ANKRD33B: variants seen among roughly 807,000 people sequenced by gnomAD.
ANKRD33B encodes the protein ankyrin repeat domain 33B.
In ANKRD33B, 6 loss-of-function variants were observed where a neutral mutation model predicts 21.5. That is an observed-to-expected ratio of 0.28 (90% CI 0.15 to 0.55). The LOEUF (loss-of-function observed/expected upper bound fraction) is 0.55. Among genes scored for constraint, ANKRD33B ranks in the 20% least tolerant of loss-of-function variants. ANKRD33B has a pLI of 0.94. For missense variants in ANKRD33B, 698 were observed against 747.2 expected (o/e 0.93, Z 0.77); for synonymous variants, 347 against 342.4 (o/e 1.01, Z -0.15).
At chr5:10,636,237 G>A (rs1243861870) in intron 2 of ANKRD33B, among the ~76,000 whole-genome samples, 1 of 152,214 alleles carries the variant, frequency 6.6e-6, no homozygotes, top group Non-Finnish European at 1.5e-5. Flanking sequence ...CTGCAGCTGC[G>A]ACAGTGGGGG....
At chr5:10,617,344 C>T (rs1291835027) in intron 1 of ANKRD33B, among the ~76,000 whole-genome samples, 6 of 152,198 alleles carry the variant, frequency 3.9e-5, no homozygotes, top group South Asian at 2.1e-4. Context: ...TCTGTCCCCA[C>T]GCCCGCTCTG....
In ANKRD33B at chr5:10,650,002, G is replaced by A. The variant is rs1453909944; in HGVS notation, c.1374G>A (p.Trp458Ter). ...GCGGCCACCTGCAGATCCCCAAGTG[G>A]CGGTACAAGGAGGCCAAGGAGGAGA... ...KDSGHLQIPK[W>*]RYKEAKEEKR... The change falls in exon 4 of 4, where the codon TGG (tryptophan) becomes TGA (stop). Residue 458 changes from tryptophan (W) to a stop codon, truncating the protein, a stop_gained. Coordinates refer to ENST00000296657, the MANE Select transcript of ANKRD33B (RefSeq NM_001164440.2). LOFTEE classifies it high-confidence loss of function. 6.5e-7 allele frequency: 1 copy of A among 1,533,476 alleles called. No individual in the cohort carries two copies. The highest frequency in any genetic ancestry group is 8.7e-7 in the Non-Finnish European group (1 of 1,144,874). 95.0% of individuals were successfully genotyped at this position (1,533,476 alleles called of 1,614,324 possible). A position where few individuals can be genotyped will look rare whatever the true frequency, so the allele number is the denominator to read the frequency against.
chr5:10,636,215 T>C (rs908467372), intron 2 of ANKRD33B, among the ~76,000 whole-genome samples: 22 of 152,144 alleles, frequency 1.4e-4, no homozygotes, highest in African/African-American at 5.3e-4. Context: ...CATAGAAATG[T>C]CCACGAGGCC....
chr5:10,573,413 A>G (rs1440745140), intron 1 of ANKRD33B, among the ~76,000 whole-genome samples: 1 of 149,252 alleles, frequency 6.7e-6, no homozygotes, highest in Non-Finnish European at 1.5e-5. Flanking sequence ...GGTTGCAGTG[A>G]GCTGAGATCA....
chr5:10,605,720 G>A (rs1736032917), intron 1 of ANKRD33B, among the ~76,000 whole-genome samples: 3 of 152,008 alleles, frequency 2.0e-5, no homozygotes. Context: ...GTAGAGACAG[G>A]GTTTCACCAT....
intron 1 of ANKRD33B, among the ~76,000 whole-genome samples, chr5:10,578,320 C>T (rs928237806): frequency 2.6e-5 from 4 of 152,166 alleles, no homozygotes; most frequent in Admixed American, 2.6e-4. Context: ...CAGAGTGCTG[C>T]CTAAGAGAAG....
chr5:10,581,684 C>G (rs1033346486), intron 1 of ANKRD33B, among the ~76,000 whole-genome samples: 1 of 152,216 alleles, frequency 6.6e-6, no homozygotes, highest in East Asian at 1.9e-4. Flanking sequence ...TGGTTAACAT[C>G]TACAATTAGT....
At chr5:10,594,965 G>A (rs888073118) in intron 1 of ANKRD33B, among the ~76,000 whole-genome samples, 7 of 152,186 alleles carry the variant, frequency 4.6e-5, no homozygotes, top group Non-Finnish European at 8.8e-5. Context: ...TTCACTCCCC[G>A]GGTGATTGGT....
At position 10,609,312 on chromosome 5, in the gene ANKRD33B, G is replaced by C. The variant is rs759897801; in HGVS notation, c.367-9021G>C. Among the ~76,000 whole-genome samples the C allele has an allele frequency of 3.6e-4, 55 of 152,152 alleles. 1 individual carries two copies. The highest frequency in any genetic ancestry group is 2.4e-5 in the African/African-American group (1 of 41,424). ...TCATGCCTGTAATCTCAGCACTTTG[G>C]GAGGCAGAGGTGCGCAGATCACTTG... On this transcript the variant is annotated intron_variant, in intron 1 of 3. Coordinates refer to ENST00000296657, the MANE Select transcript of ANKRD33B (RefSeq NM_001164440.2).
intron 2 of ANKRD33B, among the ~76,000 whole-genome samples, chr5:10,620,019 A>G (rs1736384208): frequency 6.6e-6 from 1 of 152,144 alleles, no homozygotes; most frequent in African/African-American, 2.4e-5. Context: ...GTAGGTGGGC[A>G]TGGCTGTAGG....
intron 1 of ANKRD33B, among the ~76,000 whole-genome samples, chr5:10,615,434 T>C (rs1736263714): frequency 6.6e-6 from 1 of 152,240 alleles, no homozygotes; most frequent in Admixed American, 6.5e-5. Context: ...AAACAGATCA[T>C]CTGAGTATCC....
At chr5:10,606,717 A>C (rs1358103631) in intron 1 of ANKRD33B, among the ~76,000 whole-genome samples, 3 of 149,108 alleles carry the variant, frequency 2.0e-5, no homozygotes, top group Admixed American at 6.7e-5. Context: ...CTGGCGACAG[A>C]GCAAGACTCT....
chr5:10,569,011 G>A (rs1735116685), intron 1 of ANKRD33B, among the ~76,000 whole-genome samples: 1 of 151,980 alleles, frequency 6.6e-6, no homozygotes, highest in Non-Finnish European at 1.5e-5. Flanking sequence ...GATGATCAGG[G>A]CTTTATCTTG....
chr5:10,636,349 C>T (rs1333899517), intron 2 of ANKRD33B, among the ~76,000 whole-genome samples: 1 of 152,218 alleles, frequency 6.6e-6, no homozygotes, highest in African/African-American at 2.4e-5. Context: ...CAGTGGCTCA[C>T]ACCTGGAATC....
Position 10,614,307 on chromosome 5 carries a change from A to G in ANKRD33B, c.367-4026A>G, listed in dbSNP as rs959016866. The stretch of plus-strand genomic sequence containing the variant: ...GTTGATTTAAATATCAGTCTCATTT[A>G]AAGAATACCTTCACAGAAATAGCTA... On this transcript the variant is annotated intron_variant, in intron 1 of 3. Coordinates refer to ENST00000296657, the MANE Select transcript of ANKRD33B (RefSeq NM_001164440.2). 3.9e-5 allele frequency among the ~76,000 whole-genome samples: 6 copies of G among 152,232 alleles called. No homozygotes were observed. The East Asian group carries it at 1.2e-3, about 29-fold the overall frequency.
chr5:10,619,251 C>T lies in ANKRD33B; in HGVS notation c.496+789C>T. The T allele has an allele frequency of 1.0e-6, 1 of 969,054 alleles. No individual in the cohort carries two copies. Among genetic ancestry groups the T allele is most frequent in the Non-Finnish European group, 1.2e-6 (1 of 815,074 alleles). 60.0% of individuals were successfully genotyped at this position (969,054 alleles called of 1,614,324 possible). On this transcript the variant is annotated intron_variant, in intron 2 of 3. Transcript: ENST00000296657. The surrounding 1 kb of genome is among the most constrained non-coding windows in gnomAD (Gnocchi z 4.5). Reference sequence around the variant, plus strand: ...TTCTCAGTTGCAAGCAAAGAAGCTGCCTGCAGCTGAGCCAGGAAGAACAGG... The same window carrying T: ...TTCTCAGTTGCAAGCAAAGAAGCTGTCTGCAGCTGAGCCAGGAAGAACAGG...
chr5:10,566,283 C>T (rs915304705), intron 1 of ANKRD33B, among the ~76,000 whole-genome samples: 17 of 152,322 alleles, frequency 1.1e-4, no homozygotes, highest in African/African-American at 4.1e-4. Context: ...CTCCCCCAGC[C>T]CTGGCGACAG....
chr5:10,617,917 C>T (rs538884123), intron 1 of ANKRD33B, among the ~76,000 whole-genome samples: 182 of 152,298 alleles, frequency 1.2e-3, no homozygotes, highest in African/African-American at 4.2e-3. Flanking sequence ...CGGACCCCAA[C>T]ATCACCTCTG....
At position 10,650,205 on chromosome 5, in the gene ANKRD33B, G is replaced by T. The variant is rs1171468775; in HGVS notation, c.*92G>T. ...GAAGGAGGCGGCCCCGTTGCGCATC[G>T]CACCACTTCCGCTCCATGGACCACG... is the stretch of plus-strand genomic sequence containing the variant. On this transcript the variant is annotated 3_prime_UTR_variant, in exon 4 of 4. Coordinates refer to ENST00000296657, the MANE Select transcript of ANKRD33B (RefSeq NM_001164440.2). 7.6e-7 allele frequency: 1 copy of T among 1,316,358 alleles called. No homozygotes were observed. The highest frequency in any genetic ancestry group is 1.6e-5 in the African/African-American group (1 of 63,760). 81.5% of individuals were successfully genotyped at this position (1,316,358 alleles called of 1,614,324 possible).
Sources: gnomAD v4.1 joint callset for allele counts (sites outside exome capture counted in the v4.1 genomes callset) on GRCh38, gnomAD v4.1.1 for gene constraint, Gnocchi (gnomAD v3.1) non-coding constraint, MANE v1.5 for transcripts, NCBI Gene and HGNC (gene_info 2026-07-23, HGNC 2026-07-21) for gene names.